The following ARL8A variants were observed in gnomAD, a reference collection of about 807,000 sequenced individuals.
ARL8A encodes ARF like GTPase 8A.
ARL8A carries 10 observed loss-of-function variants against 31.2 expected under a neutral mutation model. The observed-to-expected ratio is 0.32, with a 90% CI of 0.20 to 0.54. ARL8A has a LOEUF of 0.54. Ranked by LOEUF, ARL8A falls within the 20% of genes least tolerant of loss-of-function variation. ARL8A has a pLI of 0.93. For synonymous variants in ARL8A, 70 were observed against 86.9 expected (o/e 0.81, Z 1.08); for missense variants, 129 against 242.8 (o/e 0.53, Z 3.12).
Position 202,144,719 on chromosome 1 carries a change from G to T in ARL8A, c.-147C>A. On this transcript the variant is annotated 5_prime_UTR_variant, in exon 1 of 7. Transcript: ENST00000272217. This position sits in a 1 kb window ranked among gnomAD's most constrained non-coding sequence, Gnocchi z 5.2. ...GCTCGAGCGCGGCTGCCGACGACTC[G>T]CTGCCCCGGAATCGGCTCGCCGATG... The T allele has an allele frequency of 2.3e-6, 2 of 859,564 alleles. No individual in the cohort carries two copies. Among genetic ancestry groups the T allele is most frequent in the Non-Finnish European group, 2.8e-6 (2 of 704,298 alleles). 53.2% of individuals were successfully genotyped at this position (859,564 alleles called of 1,614,324 possible).
chr1:202,136,832 G>A (rs528406815), intron 3 of ARL8A, among the ~76,000 whole-genome samples: 19 of 152,084 alleles, frequency 1.2e-4, no homozygotes, highest in Admixed American at 1.0e-3. Flanking sequence ...GCCTCCCCCT[G>A]TGCCCTGCCA....
chr1:202,142,148 T>C (rs1206166015), intron 1 of ARL8A, among the ~76,000 whole-genome samples: 1 of 152,248 alleles, frequency 6.6e-6, no homozygotes, highest in African/African-American at 2.4e-5. Flanking sequence ...ATTACAGGCG[T>C]GAGCCACCAT....
chr1:202,136,094 C>A (rs1280952281), intron 3 of ARL8A, among the ~76,000 whole-genome samples: 1 of 152,050 alleles, frequency 6.6e-6, no homozygotes, highest in Non-Finnish European at 1.5e-5. Context: ...GCTGTAAGTC[C>A]CTCTCAAAGT....
rs569970183 is a variant in ARL8A, at chr1:202,134,398, G to C, written c.*69C>G. The C allele has an allele frequency of 1.5e-5, 23 of 1,524,920 alleles. 1 individual carries two copies. The South Asian group carries it at 2.6e-4, about 17-fold the overall frequency. 94.5% of individuals were successfully genotyped at this position (1,524,920 alleles called of 1,614,324 possible). A position where few individuals can be genotyped will look rare whatever the true frequency, so the allele number is the denominator to read the frequency against. ...GGGTGGGCTTAGGGGGACGACAGGG[G>C]TGGGCGGGGAGCTCGGCTTCAGGTT... On this transcript the variant is annotated 3_prime_UTR_variant, in exon 7 of 7. Coordinates refer to ENST00000272217, the MANE Select transcript of ARL8A (RefSeq NM_138795.4). This position sits in a 1 kb window ranked among gnomAD's most constrained non-coding sequence, Gnocchi z 4.2.
Position 202,144,128 on chromosome 1 carries a change from C to A in ARL8A, c.123+322G>T, listed in dbSNP as rs1308077334. Among the ~76,000 whole-genome samples the A allele has an allele frequency of 6.6e-6, 1 of 152,170 alleles. No homozygotes were observed. Among genetic ancestry groups the A allele is most frequent in the Admixed American group, 6.5e-5 (1 of 15,282 alleles). On this transcript the variant is annotated intron_variant, in intron 1 of 6. Transcript: ENST00000272217. The surrounding 1 kb of genome is among the most constrained non-coding windows in gnomAD (Gnocchi z 5.2). ...GGGGCCAGAGGGGGCCCGTCTCAGC[C>A]GGCAGCGGGTCCCTCCTGCTTCGAG...
chr1:202,136,921 C>T (rs1655024697), intron 3 of ARL8A, among the ~76,000 whole-genome samples: 1 of 151,904 alleles, frequency 6.6e-6, no homozygotes, highest in African/African-American at 2.4e-5. Flanking sequence ...GTGATGCGAT[C>T]TCGGCTCACT....
intron 3 of ARL8A, among the ~76,000 whole-genome samples, chr1:202,136,224 G>T (rs1226298918): frequency 6.6e-6 from 1 of 152,154 alleles, no homozygotes; most frequent in Admixed American, 6.5e-5. Context: ...GCAACCTATT[G>T]TGTATTCTAA....
In ARL8A at chr1:202,138,219, A is replaced by T; in HGVS notation, c.204+149T>A. 1 of 1,139,746 alleles carries T rather than the reference A, an allele frequency of 8.8e-7. No homozygotes were observed. 70.6% of individuals were successfully genotyped at this position (1,139,746 alleles called of 1,614,324 possible). ...TAGAAGTCTTCTACTGTCTTTTCCC[A>T]GCTCCTCAGCAGGGGGACCCTGGCC... On this transcript the variant is annotated intron_variant, in intron 2 of 6. Coordinates refer to ENST00000272217, the MANE Select transcript of ARL8A (RefSeq NM_138795.4). The surrounding 1 kb of genome is among the most constrained non-coding windows in gnomAD (Gnocchi z 4.4).
chr1:202,134,252 G>A lies in ARL8A; in HGVS notation c.*215C>T. 1.8e-6 allele frequency: 1 copy of A among 563,710 alleles called. No homozygotes were observed. Among genetic ancestry groups the A allele is most frequent in the Non-Finnish European group, 3.2e-6 (1 of 313,998 alleles). The allele number at this position is 563,710 out of a possible 1,614,324, so 34.9% of individuals were successfully genotyped here. ...TGATGGGACAAAGGCAGCGGGGAAG[G>A]GTGAGAAGTTAGGGGACCAGAATGG... On this transcript the variant is annotated 3_prime_UTR_variant, in exon 7 of 7. Transcript: ENST00000272217. This position sits in a 1 kb window ranked among gnomAD's most constrained non-coding sequence, Gnocchi z 4.2.
rs200958333 is a variant in ARL8A at position 202,134,550 on chromosome 1, T to A, written c.512-34A>T. On this transcript the variant is annotated intron_variant, in intron 6 of 6. Transcript: ENST00000272217. The surrounding 1 kb of genome is among the most constrained non-coding windows in gnomAD (Gnocchi z 4.2). ...AGAAAAGAGAACAGCTTATAAGGCC[T>A]GCAAGTACTGGCCGTGCTGGGGCAG... The A allele has an allele frequency of 1.3e-6, 2 of 1,588,648 alleles. No individual in the cohort carries two copies. Among genetic ancestry groups the A allele is most frequent in the East Asian group, 4.5e-5 (2 of 44,742 alleles).
chr1:202,141,591 G>A (rs1188949221), intron 1 of ARL8A, among the ~76,000 whole-genome samples: 2 of 150,076 alleles, frequency 1.3e-5, no homozygotes, highest in African/African-American at 4.9e-5. Flanking sequence ...GCAGTGAGCC[G>A]AGACTGTACC....
rs773323427 is a variant in ARL8A at position 202,135,143 on chromosome 1, T to C, written c.511+7A>G. On this transcript the variant is annotated splice_region_variant and intron_variant, in intron 6 of 6. Coordinates refer to ENST00000272217, the MANE Select transcript of ARL8A (RefSeq NM_138795.4). The surrounding 1 kb of genome is among the most constrained non-coding windows in gnomAD (Gnocchi z 5.3). ...CCCCTCTCCTCCCTTTCCCCCATCC[T>C]ACGCACCAATGTTGTCCTTTTCTTT... The C allele has an allele frequency of 2.3e-5, 37 of 1,612,712 alleles. No individual in the cohort carries two copies. Among genetic ancestry groups the C allele is most frequent in the Non-Finnish European group, 2.5e-5 (30 of 1,178,854 alleles).
chr1:202,135,123 C>G lies in ARL8A; in HGVS notation c.511+27G>C, dbSNP rs1558305290. On this transcript the variant is annotated intron_variant, in intron 6 of 6. Coordinates refer to ENST00000272217, the MANE Select transcript of ARL8A (RefSeq NM_138795.4). The surrounding 1 kb of genome is among the most constrained non-coding windows in gnomAD (Gnocchi z 5.3). Reference sequence around the variant, plus strand: ...AAACACTCAGAAATGCCTCTCCCCTCTCCTCCCTTTCCCCCATCCTACGCA... The same window carrying G: ...AAACACTCAGAAATGCCTCTCCCCTGTCCTCCCTTTCCCCCATCCTACGCA... 5.2e-5 allele frequency: 83 copies of G among 1,603,458 alleles called. No homozygotes were observed. The highest frequency in any genetic ancestry group is 6.8e-5 in the Non-Finnish European group (80 of 1,170,320).
At chr1:202,143,238 G>A (rs536136010) in intron 1 of ARL8A, among the ~76,000 whole-genome samples, 3 of 152,254 alleles carry the variant, frequency 2.0e-5, no homozygotes, top group African/African-American at 4.8e-5. Context: ...CCCGCCCCTC[G>A]AGCTTTCCAT....
Position 202,135,708 on chromosome 1 carries a change from G to C in ARL8A, c.371C>G (p.Pro124Arg). ...LLDKPQLQGI[P>R]VLVLGNKRDL... ...TCCCGCTCCCTCAGGTCTGCTGACC[G>C]GGATGCCCTGCAGCTGAGGTTTGTC... Residue 124 changes from proline (P) to arginine (R), a missense_variant and splice_region_variant, in exon 4 of 7, where the codon CCG (proline) becomes CGG (arginine). Physicochemically the swap from Pro to Arg is moderately radical, Grantham distance 103. Coordinates refer to ENST00000272217, the MANE Select transcript of ARL8A (RefSeq NM_138795.4). This position sits in a 1 kb window ranked among gnomAD's most constrained non-coding sequence, Gnocchi z 5.3. 2 of 1,613,712 alleles carry C rather than the reference G, an allele frequency of 1.2e-6. No individual in the cohort carries two copies. Among genetic ancestry groups the C allele is most frequent in the Non-Finnish European group, 1.7e-6 (2 of 1,179,644 alleles).
At position 202,135,267 on chromosome 1, in the gene ARL8A, G is replaced by T. The variant is rs1023122402; in HGVS notation, c.441-47C>A. On this transcript the variant is annotated intron_variant, in intron 5 of 6. Transcript: ENST00000272217. This position sits in a 1 kb window ranked among gnomAD's most constrained non-coding sequence, Gnocchi z 5.3. Reference sequence around the variant, plus strand: ...TCCGCTGAGGCTACGAACGTCCAGGGGGCCTGGGGCTAGGGGACAGCGGGG... The same window carrying T: ...TCCGCTGAGGCTACGAACGTCCAGGTGGCCTGGGGCTAGGGGACAGCGGGG... The T allele has an allele frequency of 6.4e-7, 1 of 1,574,330 alleles. No individual in the cohort carries two copies. Among genetic ancestry groups the T allele is most frequent in the South Asian group, 1.1e-5 (1 of 90,270 alleles).
Position 202,138,357 on chromosome 1 carries a change from T to C in ARL8A, c.204+11A>G, listed in dbSNP as rs1264496215. ...CAGTCCTCTGCACCCCCCAAGCTTC[T>C]GGGCCCTCACCTTGATAGTCACATT... On this transcript the variant is annotated intron_variant, in intron 2 of 6. Coordinates refer to ENST00000272217, the MANE Select transcript of ARL8A (RefSeq NM_138795.4). The surrounding 1 kb of genome is among the most constrained non-coding windows in gnomAD (Gnocchi z 4.4). 1.2e-6 allele frequency: 2 copies of C among 1,610,616 alleles called. No individual in the cohort carries two copies. The highest frequency in any genetic ancestry group is 1.7e-5 in the Admixed American group (1 of 59,972).
chr1:202,141,487 C>T (rs113665960), intron 1 of ARL8A, among the ~76,000 whole-genome samples: 161 of 151,782 alleles, frequency 1.1e-3, no homozygotes, highest in Non-Finnish European at 2.0e-3. Context: ...ACTAAAAATA[C>T]AAAAATTAGC....
intron 1 of ARL8A, among the ~76,000 whole-genome samples, chr1:202,143,096 C>T (rs1383447018): frequency 6.6e-6 from 1 of 152,182 alleles, no homozygotes; most frequent in East Asian, 1.9e-4. Context: ...GTGCCAAAAC[C>T]GCAGCATTGG....
Sources: gnomAD v4.1 joint callset for allele counts (sites outside exome capture counted in the v4.1 genomes callset) on GRCh38, gnomAD v4.1.1 for gene constraint, Gnocchi (gnomAD v3.1) non-coding constraint, MANE v1.5 for transcripts, NCBI Gene and HGNC (gene_info 2026-07-23, HGNC 2026-07-21) for gene names.